The following SCN7A variants were observed in gnomAD, a reference collection of about 807,000 sequenced individuals.
SCN7A encodes sodium voltage-gated channel alpha subunit 7.
SCN7A carries 138 observed loss-of-function variants against 155.2 expected under a neutral mutation model. The observed-to-expected ratio is 0.89, with a 90% confidence interval of 0.77 to 1.02. The LOEUF is 1.02. SCN7A is among the 50% of genes least tolerant of loss of function. The pLI is 0.00. For synonymous variants in SCN7A, 693 were observed against 649.0 expected (o/e 1.07, Z -1.03); for missense variants, 2,058 against 1,986.6 (o/e 1.04, Z -0.68).
chr2:166,430,770 T>C (rs1048591190), intron 16 of SCN7A, among the ~76,000 whole-genome samples: 5 of 151,944 alleles, frequency 3.3e-5, no homozygotes, highest in Non-Finnish European at 7.4e-5. Context: ...TTAATAAAAA[T>C]AGGCTGGAAG....
rs181269778 is a variant in SCN7A at position 166,486,605 on chromosome 2, C to T, written c.-15+251G>A. 7.0e-4 allele frequency among the ~76,000 whole-genome samples: 106 copies of T among 152,232 alleles called. 1 individual carries two copies. Among genetic ancestry groups the T allele is most frequent in the Admixed American group, 1.4e-3 (21 of 15,296 alleles). On this transcript the variant is annotated intron_variant, in intron 2 of 25. Coordinates refer to ENST00000643258, the MANE Select transcript of SCN7A (RefSeq NM_002976.4). ...AGTGCATATCAGAAATCTCCTGGGG[C>T]TAATACTGAAAATCTAGGAGCCAGT...
chr2:166,452,542 C>A (rs190683454), intron 11 of SCN7A, among the ~76,000 whole-genome samples: 4 of 152,194 alleles, frequency 2.6e-5, no homozygotes, highest in Non-Finnish European at 4.4e-5. Flanking sequence ...GTACAATTGT[C>A]AATCATTTTT....
intron 7 of SCN7A, among the ~76,000 whole-genome samples, chr2:166,467,509 A>T (rs1278828494): frequency 6.7e-6 from 1 of 150,374 alleles, no homozygotes; most frequent in Non-Finnish European, 1.5e-5. Flanking sequence ...ATACACACAC[A>T]CACACACAGA....
intron 14 of SCN7A, 55 bp downstream of exon 14, chr2:166,443,447 GC>G (rs1702000353): frequency 6.9e-7 from 1 of 1,439,144 alleles, no homozygotes; most frequent in Admixed American, 2.4e-5. Context: ...TTTTATGTCT[GC>G]AGACACTGAG....
Position 166,465,453 on chromosome 2 carries a change from A to G in SCN7A, c.941+9T>C. On this transcript the variant is annotated intron_variant, in intron 9 of 25. Coordinates refer to ENST00000643258, the MANE Select transcript of SCN7A (RefSeq NM_002976.4). ...AATGATTTAATAGAATAAAACTAAT[A>G]CCACCTACCCAGCATCTGTCCTGTT... is the stretch of plus-strand genomic sequence containing the variant. 2 of 1,592,244 alleles carry G rather than the reference A, an allele frequency of 1.3e-6. No homozygotes were observed. Among genetic ancestry groups the G allele is most frequent in the Non-Finnish European group, 1.7e-6 (2 of 1,162,600 alleles).
rs561912203 is a variant in SCN7A, at chr2:166,474,387, C to A, written c.235-43G>T. 15 of 819,400 alleles carry A rather than the reference C, an allele frequency of 1.8e-5. No homozygotes were observed. The Admixed American group carries it at 3.5e-4, about 19-fold the overall frequency. 50.8% of individuals were successfully genotyped at this position (819,400 alleles called of 1,614,324 possible). On this transcript the variant is annotated intron_variant, in intron 3 of 25. Transcript: ENST00000643258. The stretch of plus-strand genomic sequence containing the variant: ...ATCAAGTGAAATTAGAACTCAGAAC[C>A]ATAATCTCATCAATTATGCAATAAA...
chr2:166,491,126 C>G (rs938993728), intron 1 of SCN7A, among the ~76,000 whole-genome samples: 3 of 152,212 alleles, frequency 2.0e-5, no homozygotes, highest in African/African-American at 7.2e-5. Context: ...ACAGACTACT[C>G]TACTCAGCAC....
chr2:166,489,796 G>A (rs1050778637), intron 1 of SCN7A, among the ~76,000 whole-genome samples: 16 of 152,094 alleles, frequency 1.1e-4, no homozygotes, highest in African/African-American at 3.6e-4. Flanking sequence ...TCTTCAATAC[G>A]TCCACTTAAT....
At chr2:166,417,435 T>A (rs1276847775) in intron 20 of SCN7A, among the ~76,000 whole-genome samples, 1 of 152,146 alleles carries the variant, frequency 6.6e-6, no homozygotes, top group Non-Finnish European at 1.5e-5. Context: ...ATACTGCCAC[T>A]GAACTCCAGC....
chr2:166,414,012 A>ATATATATATAAATATAT (rs1559087840), intron 21 of SCN7A, among the ~76,000 whole-genome samples: 2 of 92,664 alleles, frequency 2.2e-5, no homozygotes, highest in African/African-American at 8.5e-5. Context: ...TAAATATACT[A>ATATATATATAAATATAT]TATATATGTA....
intron 21 of SCN7A, among the ~76,000 whole-genome samples, chr2:166,414,039 T>C (rs1388962826): frequency 2.5e-5 from 2 of 78,934 alleles, no homozygotes; most frequent in African/African-American, 4.9e-5. Context: ...TATAAATATA[T>C]TTATATATGT....
chr2:166,433,874 T>C (rs1321309608), intron 15 of SCN7A, among the ~76,000 whole-genome samples: 3 of 152,178 alleles, frequency 2.0e-5, no homozygotes, highest in African/African-American at 7.2e-5. Context: ...GGAAGACTCA[T>C]TCCTAACACT....
At position 166,462,540 on chromosome 2, in the gene SCN7A, A is replaced by G; in HGVS notation, c.942-10T>C. 6.2e-7 allele frequency: 1 copy of G among 1,611,674 alleles called. No homozygotes were observed. Among genetic ancestry groups the G allele is most frequent in the African/African-American group, 1.3e-5 (1 of 74,782 alleles). On this transcript the variant is annotated splice_polypyrimidine_tract_variant and intron_variant, in intron 9 of 25. Coordinates refer to ENST00000643258, the MANE Select transcript of SCN7A (RefSeq NM_002976.4). ...TCCTTCAGGACACTGACTAAAGAAGACAAAGAAAAAAACCTGCTTACTATT... is the reference window on the plus strand; with the variant it reads ...TCCTTCAGGACACTGACTAAAGAAGGCAAAGAAAAAAACCTGCTTACTATT...
intron 11 of SCN7A, among the ~76,000 whole-genome samples, chr2:166,448,643 T>C (rs1164956865): frequency 1.3e-5 from 2 of 152,156 alleles, no homozygotes; most frequent in Non-Finnish European, 2.9e-5. Flanking sequence ...GATTTAGGAG[T>C]TCTTAAAATT....
In SCN7A at chr2:166,403,584, G is replaced by C. The variant is rs1701004153; in HGVS notation, c.*1996C>G. The C allele has an allele frequency of 6.6e-6, 1 of 151,846 alleles. No individual in the cohort carries two copies. The highest frequency in any genetic ancestry group is 2.4e-5 in the African/African-American group (1 of 41,374). The allele number at this position is 151,846 out of a possible 1,614,324, so 9.4% of individuals were successfully genotyped here. A position where few individuals can be genotyped will look rare whatever the true frequency, so the allele number is the denominator to read the frequency against. The stretch of plus-strand genomic sequence containing the variant: ...CAAACATAGCTTAATGTGGTTTACA[G>C]GTTATATTTATTATTTTCTATAGTA... On this transcript the variant is annotated 3_prime_UTR_variant, in exon 26 of 26. Transcript: ENST00000643258.
intron 6 of SCN7A, 61 bp from the exon 7 acceptor site, chr2:166,470,767 C>A (rs967048319): frequency 1.4e-6 from 2 of 1,418,580 alleles, no homozygotes; most frequent in Non-Finnish European, 1.9e-6. Flanking sequence ...TTATTCTTGG[C>A]TTTTTATGGT....
intron 7 of SCN7A, among the ~76,000 whole-genome samples, chr2:166,470,186 A>T (rs1347091567): frequency 6.6e-6 from 1 of 151,812 alleles, no homozygotes; most frequent in Non-Finnish European, 1.5e-5. Context: ...CACCCTATCC[A>T]AGCACTCAAA....
At chr2:166,454,692 C>A (rs114341251) in intron 11 of SCN7A, among the ~76,000 whole-genome samples, 1,748 of 152,178 alleles carry the variant, frequency 0.011, 40 homozygotes, top group African/African-American at 0.04. Context: ...TTTTCGTTCT[C>A]TGGCTCAATA....
At chr2:166,446,982 T>A (rs533454799) in intron 12 of SCN7A, among the ~76,000 whole-genome samples, 1 of 152,156 alleles carries the variant, frequency 6.6e-6, no homozygotes, top group African/African-American at 2.4e-5. Flanking sequence ...ATGGCACATG[T>A]ATACCTGTGT....
Sources: gnomAD v4.1 joint callset for allele counts (sites outside exome capture counted in the v4.1 genomes callset) on GRCh38, gnomAD v4.1.1 for gene constraint, MANE v1.5 for transcripts, NCBI Gene and HGNC (gene_info 2026-07-23, HGNC 2026-07-21) for gene names.